VSTM4: variants seen among roughly 807,000 people sequenced by gnomAD.
The protein encoded by VSTM4 is V-set and transmembrane domain containing 4, also known as V-set and transmembrane domain-containing protein 4.
VSTM4 carries 20 observed loss-of-function variants against 36.4 expected under a neutral mutation model. That is an observed-to-expected ratio of 0.55 (90% CI 0.39 to 0.80). The LOEUF (loss-of-function observed/expected upper bound fraction) is 0.80. Among genes scored for constraint, VSTM4 ranks in the 30% least tolerant of loss-of-function variants. VSTM4 has a pLI of 0.00. For synonymous variants in VSTM4, 182 were observed against 173.9 expected (o/e 1.05, Z -0.37); for missense variants, 392 against 404.5 (o/e 0.97, Z 0.26).
intron 4 of VSTM4, among the ~76,000 whole-genome samples, chr10:49,065,187 A>G (rs1311657121): frequency 6.6e-6 from 1 of 152,212 alleles, no homozygotes; most frequent in Non-Finnish European, 1.5e-5. Context: ...CCTCGGGAAA[A>G]GAGTCTTGGA....
intron 2 of VSTM4, among the ~76,000 whole-genome samples, chr10:49,094,602 A>G (rs540993078): frequency 1.3e-5 from 2 of 152,360 alleles, no homozygotes; most frequent in African/African-American, 4.8e-5. Flanking sequence ...AGTATGCAGA[A>G]GAAAAGATCC....
At chr10:49,105,322 AGAGAGACGGGGGGGG>A (rs2132024196) in intron 2 of VSTM4, among the ~76,000 whole-genome samples, 2 of 68,598 alleles carry the variant, frequency 2.9e-5, no homozygotes, top group African/African-American at 1.9e-4. Flanking sequence ...AGAGAAAGAG[AGAGAGACGGGGGGGG>A]GAGAGACAGA....
chr10:49,049,462 A>G (rs1205365540), intron 5 of VSTM4, among the ~76,000 whole-genome samples: 1 of 152,140 alleles, frequency 6.6e-6, no homozygotes, highest in Non-Finnish European at 1.5e-5. Context: ...TTGAATGACC[A>G]TTCATCTTCT....
At chr10:49,045,083 A>C (rs1350005263) in intron 7 of VSTM4, among the ~76,000 whole-genome samples, 1 of 152,052 alleles carries the variant, frequency 6.6e-6, no homozygotes, top group Non-Finnish European at 1.5e-5. Flanking sequence ...ACCCCATTGT[A>C]TTACTTACAC....
chr10:49,108,810 T>C (rs1844839373), intron 1 of VSTM4, among the ~76,000 whole-genome samples: 1 of 152,142 alleles, frequency 6.6e-6, no homozygotes, highest in African/African-American at 2.4e-5. Flanking sequence ...CCAGCCACTG[T>C]TCTGCCCCTG....
intron 1 of VSTM4, among the ~76,000 whole-genome samples, chr10:49,110,945 C>T (rs939421488): frequency 1.8e-4 from 28 of 152,350 alleles, no homozygotes; most frequent in Admixed American, 1.2e-3. Flanking sequence ...GCACCTTCAG[C>T]ACCAGGAGGT....
intron 7 of VSTM4, among the ~76,000 whole-genome samples, chr10:49,041,242 T>A (rs769802912): frequency 4.6e-5 from 7 of 152,226 alleles, no homozygotes; most frequent in Non-Finnish European, 7.3e-5. Context: ...GAGGCCCTAC[T>A]GAGGTCAGCT....
chr10:49,025,267 C>A lies in VSTM4; in HGVS notation c.838-5492G>T, dbSNP rs182672899. On this transcript the variant is annotated intron_variant, in intron 7 of 7. Transcript: ENST00000332853. ...ATGAATACATAAGTCAAGGTGAGGA[C>A]AGAAGAGAATGGAAGAAAAGAAAAT... Among the ~76,000 whole-genome samples, 4 of 152,062 alleles carry A rather than the reference C, an allele frequency of 2.6e-5. No homozygotes were observed. The East Asian group carries it at 7.7e-4, about 29-fold the overall frequency.
intron 5 of VSTM4, among the ~76,000 whole-genome samples, chr10:49,052,174 A>G (rs1843708212): frequency 6.6e-6 from 1 of 152,220 alleles, no homozygotes; most frequent in African/African-American, 2.4e-5. Context: ...TTTCAAGGCT[A>G]TTTAATACTT....
At chr10:49,029,675 T>A (rs932784826) in intron 7 of VSTM4, among the ~76,000 whole-genome samples, 3 of 152,226 alleles carry the variant, frequency 2.0e-5, no homozygotes, top group African/African-American at 7.2e-5. Context: ...AGGCCTGGGA[T>A]GCCAACAGGG....
At chr10:49,067,771 A>C (rs1052178092) in intron 4 of VSTM4, among the ~76,000 whole-genome samples, 17 of 152,164 alleles carry the variant, frequency 1.1e-4, no homozygotes, top group African/African-American at 4.1e-4. Flanking sequence ...AACCTAATAC[A>C]CCTGGGAAGT....
intron 7 of VSTM4, among the ~76,000 whole-genome samples, chr10:49,023,110 T>C (rs80051257): frequency 0.012 from 1,834 of 152,352 alleles, 29 homozygotes; most frequent in African/African-American, 0.042. Flanking sequence ...CAACCCACCA[T>C]AAAATGTGTA....
chr10:49,068,998 C>T (rs1844024133), intron 4 of VSTM4, among the ~76,000 whole-genome samples: 1 of 152,156 alleles, frequency 6.6e-6, no homozygotes, highest in Non-Finnish European at 1.5e-5. Context: ...TAAGAAGAAG[C>T]AGGCCCTGGG....
In VSTM4 at chr10:49,053,629, A is replaced by G. The variant is rs188292315; in HGVS notation, c.669-5045T>C. ...CAACTGACCCTAGTCTCCAGGGTAC[A>G]GGTGCAGTGTAGACGTTTCATGGTA... On this transcript the variant is annotated intron_variant, in intron 5 of 7. Coordinates refer to ENST00000332853, the MANE Select transcript of VSTM4 (RefSeq NM_001031746.5). Among the ~76,000 whole-genome samples, 432 of 152,358 alleles carry G rather than the reference A, an allele frequency of 2.8e-3. 3 individuals are homozygous for G. Among genetic ancestry groups the G allele is most frequent in the African/African-American group, 9.9e-3 (411 of 41,586 alleles).
At chr10:49,033,943 A>G (rs1382682749) in intron 7 of VSTM4, among the ~76,000 whole-genome samples, 1 of 149,576 alleles carries the variant, frequency 6.7e-6, no homozygotes, top group Non-Finnish European at 1.5e-5. Context: ...CACTACCATC[A>G]TTATCACCAT....
At chr10:49,076,278 C>T (rs1253910925) in intron 4 of VSTM4, among the ~76,000 whole-genome samples, 7 of 152,206 alleles carry the variant, frequency 4.6e-5, no homozygotes, top group Admixed American at 6.5e-5. Context: ...GCAGGACATT[C>T]GCTGGAGCCT....
At position 49,019,680 on chromosome 10, in the gene VSTM4, G is replaced by C. The variant is rs1461562588; in HGVS notation, c.933C>G (p.Ala311=). Residue 311 remains alanine, a synonymous_variant, in exon 8 of 8, where the codon GCC becomes GCG. Coordinates refer to ENST00000332853, the MANE Select transcript of VSTM4 (RefSeq NM_001031746.5). ...AKGAPTSTVY[A]QILFEENKL is the part of the protein sequence containing the mutation. The stretch of plus-strand genomic sequence containing the variant: ...GCTTGTTCTCCTCGAAGAGGATCTG[G>C]GCGTAGACAGTGCTGGTGGGGGCGC... 1 of 1,613,938 alleles carries C rather than the reference G, an allele frequency of 6.2e-7. No homozygotes were observed. Among genetic ancestry groups the C allele is most frequent in the Non-Finnish European group, 8.5e-7 (1 of 1,179,936 alleles).
chr10:49,060,453 T>G (rs747130307), intron 5 of VSTM4, among the ~76,000 whole-genome samples: 1 of 152,234 alleles, frequency 6.6e-6, no homozygotes, highest in Non-Finnish European at 1.5e-5. Flanking sequence ...TAGTAGGTAA[T>G]GACACTGAAC....
At chr10:49,102,783 T>C (rs1844692494) in intron 2 of VSTM4, 25 of 983,512 alleles carry the variant, frequency 2.5e-5, no homozygotes, top group Non-Finnish European at 3.0e-5. Context: ...ATTCATCAAG[T>C]ATCTATTGAG....
Sources: gnomAD v4.1 joint callset for allele counts (sites outside exome capture counted in the v4.1 genomes callset) on GRCh38, gnomAD v4.1.1 for gene constraint, MANE v1.5 for transcripts, NCBI Gene and HGNC (gene_info 2026-07-23, HGNC 2026-07-21) for gene names.